ANKRD17: variants seen among roughly 807,000 people sequenced by gnomAD.
ANKRD17 encodes the protein ankyrin repeat domain 17, also known as ankyrin repeat domain-containing protein 17.
A neutral mutation model predicts 229.7 loss-of-function variants in ANKRD17; 19 were observed. The ratio of observed to expected loss-of-function variants is 0.08; its 90% CI spans 0.06 to 0.12. The LOEUF is 0.12. Ranked by LOEUF, ANKRD17 falls within the 10% of genes least tolerant of loss-of-function variation. The pLI is 1.00. For missense variants in ANKRD17, 2,176 were observed against 3,176.8 expected (o/e 0.68, Z 7.57); for synonymous variants, 1,112 against 1,146.1 (o/e 0.97, Z 0.60).
intron 1 of ANKRD17, among the ~76,000 whole-genome samples, chr4:73,198,786 C>T (rs1451190824): frequency 6.6e-6 from 1 of 152,118 alleles, no homozygotes; most frequent in Non-Finnish European, 1.5e-5. Context: ...AAAATCAAAG[C>T]TATCCTTTCC....
At chr4:73,157,616 A>C (rs545803270) in intron 3 of ANKRD17, among the ~76,000 whole-genome samples, 1 of 152,226 alleles carries the variant, frequency 6.6e-6, no homozygotes, top group African/African-American at 2.4e-5. Context: ...TCAGATACTA[A>C]AGGCACCTAC....
chr4:73,088,451 C>A (rs1402053791), intron 29 of ANKRD17, among the ~76,000 whole-genome samples: 3 of 152,054 alleles, frequency 2.0e-5, no homozygotes, highest in African/African-American at 7.2e-5. Context: ...TTCTTCTATA[C>A]CTTTTCAAAA....
chr4:73,178,687 G>T (rs1735056105), intron 1 of ANKRD17, among the ~76,000 whole-genome samples: 1 of 151,976 alleles, frequency 6.6e-6, no homozygotes, highest in South Asian at 2.1e-4. Flanking sequence ...AATGGTCTCT[G>T]GGCCCTGAGG....
intron 16 of ANKRD17, among the ~76,000 whole-genome samples, chr4:73,128,483 T>C (rs1727768040): frequency 6.6e-6 from 1 of 152,230 alleles, no homozygotes; most frequent in Non-Finnish European, 1.5e-5. Context: ...TACATAAAAT[T>C]TGCAAAAGAT....
chr4:73,224,119 G>A (rs1742203870), intron 1 of ANKRD17, among the ~76,000 whole-genome samples: 1 of 152,132 alleles, frequency 6.6e-6, no homozygotes, highest in Non-Finnish European at 1.5e-5. Flanking sequence ...AGCTGGGCGT[G>A]GTAGTGCATG....
chr4:73,222,193 AATACCT>A (rs139843416), intron 1 of ANKRD17, among the ~76,000 whole-genome samples: 3,830 of 152,284 alleles, frequency 0.025, 71 homozygotes, highest in African/African-American at 0.037. Context: ...ATGAGATTTA[AATACCT>A]ATACCTATAA....
chr4:73,222,025 T>C (rs1248876376), intron 1 of ANKRD17, among the ~76,000 whole-genome samples: 1 of 152,114 alleles, frequency 6.6e-6, no homozygotes, highest in Admixed American at 6.6e-5. Context: ...CACAGTAAAA[T>C]AATCTTCCTG....
intron 14 of ANKRD17, among the ~76,000 whole-genome samples, chr4:73,141,483 T>A (rs1411408190): frequency 1.3e-5 from 2 of 152,200 alleles, no homozygotes; most frequent in African/African-American, 4.8e-5. Flanking sequence ...GAATAAAAAT[T>A]ACTATTAAAG....
At chr4:73,180,565 T>C (rs1168596066) in intron 1 of ANKRD17, among the ~76,000 whole-genome samples, 3 of 152,204 alleles carry the variant, frequency 2.0e-5, no homozygotes, top group African/African-American at 7.2e-5. Context: ...ATGTTATTCT[T>C]AGGCCCACTA....
At chr4:73,109,710 G>A (rs758439445) in intron 24 of ANKRD17, among the ~76,000 whole-genome samples, 35 of 152,216 alleles carry the variant, frequency 2.3e-4, no homozygotes, top group African/African-American at 7.2e-4. Flanking sequence ...AAAAGGGTTC[G>A]TTGTCACACA....
chr4:73,115,231 A>G (rs1725802044), intron 23 of ANKRD17, among the ~76,000 whole-genome samples: 1 of 152,192 alleles, frequency 6.6e-6, no homozygotes, highest in Admixed American at 6.5e-5. Flanking sequence ...GAATAATAAC[A>G]TGTTGCTTTG....
chr4:73,108,451 AGTCAAAAG>A (rs1724905727), intron 24 of ANKRD17, among the ~76,000 whole-genome samples: 1 of 152,242 alleles, frequency 6.6e-6, no homozygotes, highest in African/African-American at 2.4e-5. Flanking sequence ...CCATGTAACA[AGTCAAAAG>A]GCTTTTCGCT....
chr4:73,157,763 C>G (rs1240839543), intron 3 of ANKRD17, among the ~76,000 whole-genome samples: 2 of 152,160 alleles, frequency 1.3e-5, no homozygotes, highest in Non-Finnish European at 2.9e-5. Context: ...CTCTTTTCAA[C>G]AAGGCAACCA....
chr4:73,248,576 T>C (rs1486294357), intron 1 of ANKRD17, among the ~76,000 whole-genome samples: 1 of 152,002 alleles, frequency 6.6e-6, no homozygotes, highest in Non-Finnish European at 1.5e-5. Flanking sequence ...TCAGAGAGTA[T>C]ACTAATAGTG....
intron 24 of ANKRD17, among the ~76,000 whole-genome samples, chr4:73,108,102 T>A (rs1386883072): frequency 6.6e-6 from 1 of 152,070 alleles, no homozygotes; most frequent in African/African-American, 2.4e-5. Flanking sequence ...GCTCAGGTGA[T>A]CCTCCCACCT....
At position 73,091,677 on chromosome 4, in the gene ANKRD17, G is replaced by A. The variant is rs909600274; in HGVS notation, c.5951C>T (p.Ser1984Phe). The change falls in exon 29 of 34, where the codon TCT (serine) becomes TTT (phenylalanine). Residue 1984 changes from serine to phenylalanine, a missense_variant. Ser to Phe is a radical substitution (Grantham distance 155). Transcript: ENST00000358602. ...SSSASTVPGT[S>F]TNGSPSSPSV... ...AGGTGAACTTGGACTGCCATTTGTA[G>A]ATGTACCAGGCACCGTTGAAGCTGA... 2 of 1,614,092 alleles carry A rather than the reference G, an allele frequency of 1.2e-6. No homozygotes were observed. The highest frequency in any genetic ancestry group is 2.7e-5 in the African/African-American group (2 of 74,924).
chr4:73,226,872 T>A (rs576291998), intron 1 of ANKRD17, among the ~76,000 whole-genome samples: 2 of 151,826 alleles, frequency 1.3e-5, no homozygotes, highest in South Asian at 4.2e-4. Flanking sequence ...GTGCCACAAT[T>A]TCTAACAAAA....
At position 73,075,074 on chromosome 4, in the gene ANKRD17, A is replaced by T. The variant is rs1401088596; in HGVS notation, c.*1157T>A. On this transcript the variant is annotated 3_prime_UTR_variant, in exon 34 of 34. Coordinates refer to ENST00000358602, the MANE Select transcript of ANKRD17 (RefSeq NM_032217.5). ...ATTACTTGGCTCAAATTAACTGTTG[A>T]TCCTTTTCACTGATAATATACAAGG... is the stretch of plus-strand genomic sequence containing the variant. 6.6e-6 allele frequency: 1 copy of T among 152,444 alleles called. No individual in the cohort carries two copies. The highest frequency in any genetic ancestry group is 1.5e-5 in the Non-Finnish European group (1 of 67,946). The allele number at this position is 152,444 out of a possible 1,614,324, so 9.4% of individuals were successfully genotyped here.
Position 73,155,650 on chromosome 4 carries a change from A to G in ANKRD17, c.981T>C (p.Val327=), listed in dbSNP as rs768081190. The G allele has an allele frequency of 6.2e-6, 10 of 1,614,152 alleles. No individual in the cohort carries two copies. The South Asian group carries it at 1.1e-4, about 18-fold the overall frequency. ...VKLLLAHKAD[V]NAQSSTGNTA... ...CATGACCTGTTGAAGACTGTGCATTAACATCTGCTTTATGAGCTAGCAGCA... is the reference window on the plus strand; with the variant it reads ...CATGACCTGTTGAAGACTGTGCATTGACATCTGCTTTATGAGCTAGCAGCA... The change falls in exon 5 of 34, where the codon GTT becomes GTC. Residue 327 remains valine, a synonymous_variant. Coordinates refer to ENST00000358602, the MANE Select transcript of ANKRD17 (RefSeq NM_032217.5).
Sources: gnomAD v4.1 joint callset for allele counts (sites outside exome capture counted in the v4.1 genomes callset) on GRCh38, gnomAD v4.1.1 for gene constraint, MANE v1.5 for transcripts, NCBI Gene and HGNC (gene_info 2026-07-23, HGNC 2026-07-21) for gene names.